The following FAM184B variants were observed in gnomAD, a reference collection of about 807,000 sequenced individuals.
The protein encoded by FAM184B is protein FAM184B.
Under a neutral mutation model 135.9 loss-of-function variants are expected in FAM184B, and 111 were observed. The ratio of observed to expected loss-of-function variants is 0.82; its 90% CI spans 0.70 to 0.96. FAM184B has a LOEUF of 0.96. Among genes scored for constraint, FAM184B ranks in the 40% least tolerant of loss-of-function variants. FAM184B has a pLI of 0.00. For synonymous variants in FAM184B, 552 were observed against 524.8 expected (o/e 1.05, Z -0.71); for missense variants, 1,375 against 1,323.9 (o/e 1.04, Z -0.60).
At chr4:17,742,949 T>C (rs1160860739) in intron 1 of FAM184B, among the ~76,000 whole-genome samples, 2 of 152,150 alleles carry the variant, frequency 1.3e-5, no homozygotes, top group Admixed American at 6.5e-5. Flanking sequence ...TGAAAAAGCA[T>C]TGGTTATACA....
chr4:17,742,168 A>ATATATATTT (rs1459958150), intron 1 of FAM184B, among the ~76,000 whole-genome samples: 9 of 109,302 alleles, frequency 8.2e-5, no homozygotes, highest in African/African-American at 4.3e-4. Flanking sequence ...ATATATATAT[A>ATATATATTT]TTTTTTTTTT....
chr4:17,699,166 A>AAG (rs1191748001), intron 5 of FAM184B, among the ~76,000 whole-genome samples: 1 of 152,060 alleles, frequency 6.6e-6, no homozygotes, highest in Non-Finnish European at 1.5e-5. Context: ...TACAGAAAGA[A>AAG]AGATGAGTAA....
intron 1 of FAM184B, among the ~76,000 whole-genome samples, chr4:17,755,315 T>C (rs1279847572): frequency 4.6e-5 from 7 of 152,116 alleles, no homozygotes; most frequent in African/African-American, 1.7e-4. Flanking sequence ...AAAAAGCTCA[T>C]CATCACTGAT....
intron 1 of FAM184B, among the ~76,000 whole-genome samples, chr4:17,752,682 A>G (rs1425401494): frequency 2.0e-5 from 3 of 152,194 alleles, no homozygotes; most frequent in Admixed American, 2.0e-4. Flanking sequence ...TGTATATGTC[A>G]TATATCTTTT....
chr4:17,772,360 G>A (rs1166292370), intron 1 of FAM184B, among the ~76,000 whole-genome samples: 5 of 151,934 alleles, frequency 3.3e-5, no homozygotes, highest in Non-Finnish European at 7.4e-5. Flanking sequence ...CTCTATTAAT[G>A]TGTCTTAATA....
rs570653135 is a variant in FAM184B at position 17,672,276 on chromosome 4, A to C, written c.1597-7617T>G. On this transcript the variant is annotated intron_variant, in intron 7 of 17. Coordinates refer to ENST00000265018, the MANE Select transcript of FAM184B (RefSeq NM_015688.2). ...AAAGTGCTAAAAAAAATGCCAACTA[A>C]GAATACTATACCTGGGAAAACCCTC... Among the ~76,000 whole-genome samples, 61 of 152,302 alleles carry C rather than the reference A, an allele frequency of 4.0e-4. No individual in the cohort carries two copies. In the East Asian group the frequency reaches 8.5e-3, roughly 21 times the overall value.
chr4:17,633,641 T>C (rs1715032025), intron 17 of FAM184B, 48 bp downstream of exon 17: 7 of 1,392,498 alleles, frequency 5.0e-6, no homozygotes, highest in Non-Finnish European at 4.7e-6. Flanking sequence ...TCCCCTCTTA[T>C]CTACAGGGAA....
chr4:17,641,990 G>C, intron 13 of FAM184B, 66 bp downstream of exon 13: 2 of 1,472,012 alleles, frequency 1.4e-6, no homozygotes, highest in Admixed American at 2.3e-5. Context: ...GCCGCAGTAG[G>C]GGGAGGGGGG....
At chr4:17,713,900 G>A (rs1436726003) in intron 1 of FAM184B, among the ~76,000 whole-genome samples, 1 of 152,146 alleles carries the variant, frequency 6.6e-6, no homozygotes, top group African/African-American at 2.4e-5. Flanking sequence ...CAAGAAAATG[G>A]AAAGTTTCAA....
At chr4:17,653,022 G>A (rs1337814910) in intron 10 of FAM184B, 39 bp from the exon 11 acceptor site, 2 of 1,547,858 alleles carry the variant, frequency 1.3e-6, no homozygotes, top group Non-Finnish European at 1.7e-6. Context: ...ATGAAAGTGG[G>A]CATGAGGGTG....
chr4:17,751,233 G>A (rs1021256274), intron 1 of FAM184B, among the ~76,000 whole-genome samples: 8 of 149,234 alleles, frequency 5.4e-5, no homozygotes, highest in Admixed American at 2.0e-4. Context: ...ACTTGAACCC[G>A]GGAGGTGGAG....
At chr4:17,709,880 GCCC>G (rs998660198) in intron 1 of FAM184B, among the ~76,000 whole-genome samples, 36 of 152,302 alleles carry the variant, frequency 2.4e-4, no homozygotes, top group African/African-American at 8.7e-4. Flanking sequence ...TTGCACAAAG[GCCC>G]CAGAGAGGGC....
intron 7 of FAM184B, among the ~76,000 whole-genome samples, chr4:17,666,041 T>A (rs1233403659): frequency 6.6e-6 from 1 of 152,204 alleles, no homozygotes; most frequent in African/African-American, 2.4e-5. Flanking sequence ...TTGCACTGGC[T>A]GTTCCCTCTT....
chr4:17,642,369 C>T (rs910483428), intron 12 of FAM184B, 141 bp from the exon 13 acceptor site: 254 of 1,358,244 alleles, frequency 1.9e-4, no homozygotes, highest in Admixed American at 7.3e-5. Context: ...CCTGAGTTCC[C>T]TGCAGGGACT....
At chr4:17,760,054 A>G (rs745678795) in intron 1 of FAM184B, among the ~76,000 whole-genome samples, 16 of 152,104 alleles carry the variant, frequency 1.1e-4, no homozygotes, top group Non-Finnish European at 2.1e-4. Flanking sequence ...TCCCCTAAAC[A>G]TCTCAGCATT....
At chr4:17,640,494 AAG>A (rs1323576318) in intron 13 of FAM184B, among the ~76,000 whole-genome samples, 22 of 151,362 alleles carry the variant, frequency 1.5e-4, no homozygotes, top group African/African-American at 9.7e-5. Flanking sequence ...AAAAAAAAAA[AAG>A]AAAATAAATG....
intron 1 of FAM184B, among the ~76,000 whole-genome samples, chr4:17,723,694 G>A (rs541014647): frequency 1.3e-5 from 2 of 152,290 alleles, no homozygotes; most frequent in South Asian, 4.1e-4. Context: ...CCTAGGAAGG[G>A]TGGTCTGGAG....
intron 12 of FAM184B, among the ~76,000 whole-genome samples, chr4:17,645,633 A>G (rs1487292683): frequency 6.6e-6 from 1 of 152,018 alleles, no homozygotes; most frequent in African/African-American, 2.4e-5. Flanking sequence ...CCTAGAAGAA[A>G]ACCTAGGCAT....
At chr4:17,753,026 G>A (rs1577290004) in intron 1 of FAM184B, among the ~76,000 whole-genome samples, 2 of 152,294 alleles carry the variant, frequency 1.3e-5, no homozygotes, top group South Asian at 4.1e-4. Flanking sequence ...ATGTTGCAAG[G>A]TCTTTTCAAT....
Sources: gnomAD v4.1 joint callset for allele counts (sites outside exome capture counted in the v4.1 genomes callset) on GRCh38, gnomAD v4.1.1 for gene constraint, MANE v1.5 for transcripts, NCBI Gene and HGNC (gene_info 2026-07-23, HGNC 2026-07-21) for gene names.